The following KIF6 variants were observed in gnomAD, a reference collection of about 807,000 sequenced individuals.
The protein encoded by KIF6 is kinesin family member 6, also known as kinesin-like protein KIF6.
KIF6 carries 106 observed loss-of-function variants against 112.7 expected under a neutral mutation model. That is an observed-to-expected ratio of 0.94 (90% CI 0.80 to 1.11). The LOEUF is 1.11. KIF6 is among the 50% of genes least tolerant of loss of function. The pLI is 0.00. For missense variants in KIF6, 929 were observed against 964.0 expected, an observed-to-expected ratio of 0.96 and a Z score of 0.48; for synonymous variants, 339 against 339.9, an observed-to-expected ratio of 1.00 and a Z score of 0.03.
chr6:39,646,935 A>G (rs1024774679), intron 3 of KIF6, among the ~76,000 whole-genome samples: 4 of 152,154 alleles, frequency 2.6e-5, no homozygotes, highest in Admixed American at 2.6e-4. Flanking sequence ...CTCTTTCTAG[A>G]ATAAAGTCTC....
chr6:39,534,607 G>C (rs931790677), intron 13 of KIF6, among the ~76,000 whole-genome samples: 18 of 152,292 alleles, frequency 1.2e-4, no homozygotes, highest in South Asian at 1.0e-3. Flanking sequence ...AAAAGTGATG[G>C]GGAGAATGGA....
intron 13 of KIF6, among the ~76,000 whole-genome samples, chr6:39,489,238 T>C (rs1053495915): frequency 6.6e-6 from 1 of 152,214 alleles, no homozygotes; most frequent in Admixed American, 6.5e-5. Flanking sequence ...ATCTTTTCCT[T>C]TTTGAAGCTC....
At chr6:39,722,169 A>G (rs1464555908) in intron 1 of KIF6, among the ~76,000 whole-genome samples, 1 of 152,196 alleles carries the variant, frequency 6.6e-6, no homozygotes, top group Non-Finnish European at 1.5e-5. Flanking sequence ...TTTTATAGCC[A>G]GACAGGTGAG....
chr6:39,453,118 A>G (rs552178015), intron 13 of KIF6, among the ~76,000 whole-genome samples: 7 of 152,366 alleles, frequency 4.6e-5, no homozygotes, highest in Non-Finnish European at 7.3e-5. Flanking sequence ...TCTACAATGT[A>G]TGAAGAATCC....
chr6:39,613,704 C>G (rs1043951470), intron 5 of KIF6, among the ~76,000 whole-genome samples: 1 of 152,160 alleles, frequency 6.6e-6, no homozygotes, highest in Non-Finnish European at 1.5e-5. Context: ...AGGCAGTGAA[C>G]TCATTCCTTT....
At chr6:39,561,492 T>C (rs926308458) in intron 10 of KIF6, among the ~76,000 whole-genome samples, 3 of 151,898 alleles carry the variant, frequency 2.0e-5, no homozygotes, top group Non-Finnish European at 4.4e-5. Context: ...GCTGGGATTA[T>C]AAGCACAGGT....
chr6:39,335,503 T>C lies in KIF6; in HGVS notation c.*1029A>G, dbSNP rs989207509. The C allele has an allele frequency of 3.9e-5, 6 of 152,140 alleles. No homozygotes were observed. The East Asian group carries it at 1.2e-3, about 29-fold the overall frequency. The allele number at this position is 152,140 out of a possible 1,614,324, so 9.4% of individuals were successfully genotyped here. ...GCTCCCCTCCAGGGTCATCAGGTCC[T>C]GTATTTATAGGACAGAGACACCAGG... On this transcript the variant is annotated 3_prime_UTR_variant, in exon 23 of 23. Coordinates refer to ENST00000287152, the MANE Select transcript of KIF6 (RefSeq NM_145027.6).
chr6:39,699,278 G>A (rs1243830379), intron 3 of KIF6, among the ~76,000 whole-genome samples: 47 of 152,094 alleles, frequency 3.1e-4, no homozygotes, highest in Non-Finnish European at 5.9e-5. Flanking sequence ...GGGCAGAGAT[G>A]GGCTGCAGTT....
At chr6:39,529,870 T>G (rs1490927515) in intron 13 of KIF6, among the ~76,000 whole-genome samples, 5 of 152,258 alleles carry the variant, frequency 3.3e-5, no homozygotes, top group African/African-American at 1.2e-4. Context: ...GAGATGTTCT[T>G]TCTTCCATCT....
chr6:39,618,182 T>C (rs1321569540), intron 5 of KIF6, among the ~76,000 whole-genome samples: 3 of 152,172 alleles, frequency 2.0e-5, no homozygotes, highest in Admixed American at 6.5e-5. Context: ...TGTGTTAGTG[T>C]TGACCTAGAC....
At chr6:39,648,275 C>A (rs535870837) in intron 3 of KIF6, among the ~76,000 whole-genome samples, 1 of 151,552 alleles carries the variant, frequency 6.6e-6, no homozygotes, top group African/African-American at 2.4e-5. Context: ...CTCCTGACCT[C>A]AGGTGATCCA....
intron 5 of KIF6, among the ~76,000 whole-genome samples, chr6:39,619,779 TATTA>T (rs1378628366): frequency 1.3e-5 from 2 of 152,230 alleles, no homozygotes; most frequent in Non-Finnish European, 2.9e-5. Flanking sequence ...CTCATTTATT[TATTA>T]GTCACTATAA....
intron 13 of KIF6, among the ~76,000 whole-genome samples, chr6:39,453,018 G>A (rs192754823): frequency 6.6e-6 from 1 of 152,304 alleles, no homozygotes; most frequent in East Asian, 1.9e-4. Flanking sequence ...AGTGATGACG[G>A]ATGCCTCCAA....
chr6:39,532,074 TC>T (rs1778100232), intron 13 of KIF6, among the ~76,000 whole-genome samples: 1 of 152,198 alleles, frequency 6.6e-6, no homozygotes, highest in Non-Finnish European at 1.5e-5. Context: ...TTTGGGATTT[TC>T]CTGGTCTTAA....
intron 14 of KIF6, among the ~76,000 whole-genome samples, chr6:39,424,020 C>T (rs1004928829): frequency 6.6e-5 from 10 of 152,060 alleles, no homozygotes; most frequent in East Asian, 3.9e-4. Context: ...CCAGTGACCT[C>T]GGGAGAAAGT....
intron 14 of KIF6, among the ~76,000 whole-genome samples, chr6:39,423,544 C>T (rs1186605624): frequency 6.6e-6 from 1 of 152,024 alleles, no homozygotes; most frequent in Non-Finnish European, 1.5e-5. Context: ...CTCAAATCTC[C>T]ACCTCAGCCC....
intron 14 of KIF6, among the ~76,000 whole-genome samples, chr6:39,422,308 C>T (rs946684492): frequency 1.3e-5 from 2 of 152,134 alleles, no homozygotes; most frequent in African/African-American, 4.8e-5. Flanking sequence ...GTCTGGGGGG[C>T]CTGGCAGAGG....
At chr6:39,440,855 T>A (rs960392609) in intron 13 of KIF6, among the ~76,000 whole-genome samples, 1 of 151,896 alleles carries the variant, frequency 6.6e-6, no homozygotes, top group Non-Finnish European at 1.5e-5. Flanking sequence ...TCCAGGGGCA[T>A]AGAGAGGAAA....
chr6:39,633,014 A>G (rs997374006), intron 5 of KIF6, among the ~76,000 whole-genome samples: 1 of 151,988 alleles, frequency 6.6e-6, no homozygotes, highest in African/African-American at 2.4e-5. Flanking sequence ...AGTGATGATA[A>G]TAAATTTTAC....
Sources: gnomAD v4.1 joint callset for allele counts (sites outside exome capture counted in the v4.1 genomes callset) on GRCh38, gnomAD v4.1.1 for gene constraint, MANE v1.5 for transcripts, NCBI Gene and HGNC (gene_info 2026-07-23, HGNC 2026-07-21) for gene names.